Variants in NF1 observed in about 807,000 individuals in gnomAD.
NF1 encodes neurofibromin 1.
NF1 carries 122 observed loss-of-function variants against 325.7 expected under a neutral mutation model. The observed-to-expected ratio is 0.37, with a 90% CI of 0.32 to 0.44. The LOEUF (loss-of-function observed/expected upper bound fraction) is 0.44, where lower values mean the gene tolerates loss of function less well. Among genes scored for constraint, NF1 ranks in the 20% least tolerant of loss-of-function variants. NF1 has a pLI of 1.00. For synonymous variants in NF1, 1,091 were observed against 1,186.0 expected, an observed-to-expected ratio of 0.92 and a Z score of 1.65; for missense variants, 2,140 against 3,415.4, an observed-to-expected ratio of 0.63 and a Z score of 9.31.
intron 8 of NF1, among the ~76,000 whole-genome samples, chr17:31,197,761 C>T (rs2143858943): frequency 6.6e-6 from 1 of 152,186 alleles, no homozygotes; most frequent in East Asian, 1.9e-4. Flanking sequence ...CATAGTTTTG[C>T]TTCTTTCTGT....
At position 31,374,364 on chromosome 17, in the gene NF1, C is replaced by T. The variant is rs1345244131; in HGVS notation, c.*209C>T. ...CTTTTCTTTAACTTTTTTTCTTCTACTTTTGGCGTGTATCTGGTATATGTA... is the reference window on the plus strand; with the variant it reads ...CTTTTCTTTAACTTTTTTTCTTCTATTTTTGGCGTGTATCTGGTATATGTA... On this transcript the variant is annotated 3_prime_UTR_variant, in exon 58 of 58. Transcript: ENST00000358273. 6 of 639,510 alleles carry T rather than the reference C, an allele frequency of 9.4e-6. No homozygotes were observed. The African/African-American group carries it at 1.1e-4, about 12-fold the overall frequency. The allele number at this position is 639,510 out of a possible 1,614,324, so 39.6% of individuals were successfully genotyped here. A position where few individuals can be genotyped will look rare whatever the true frequency, so the allele number is the denominator to read the frequency against.
In NF1 at chr17:31,152,606, G is replaced by A. The variant is rs149261862; in HGVS notation, c.61-3377G>A. 2.0e-3 allele frequency among the ~76,000 whole-genome samples: 295 copies of A among 145,464 alleles called. 3 individuals carry two copies. Among genetic ancestry groups the A allele is most frequent in the African/African-American group, 7.2e-3 (282 of 39,236 alleles). On this transcript the variant is annotated intron_variant, in intron 1 of 57. Coordinates refer to ENST00000358273, the MANE Select transcript of NF1 (RefSeq NM_001042492.3). ...ATCTTCTGTGTTAATTTACTCTTAT[G>A]TATCTTCTGGTTAGTTTTCATTTCT... is the stretch of plus-strand genomic sequence containing the variant.
intron 36 of NF1, among the ~76,000 whole-genome samples, chr17:31,325,389 T>A (rs2069315404): frequency 6.6e-6 from 1 of 152,240 alleles, no homozygotes; most frequent in East Asian, 1.9e-4. Context: ...TGGCCCTGGT[T>A]GTCCTGGTTT....
intron 36 of NF1, chr17:31,296,544 ACT>A (rs2068469569): frequency 1.8e-6 from 1 of 567,584 alleles, no homozygotes; most frequent in Non-Finnish European, 3.2e-6. Context: ...GTAGAGAGAG[ACT>A]CTCTCCCTAC....
chr17:31,117,694 AAAAAAAAAAG>A (rs1158347118), intron 1 of NF1, among the ~76,000 whole-genome samples: 11 of 149,180 alleles, frequency 7.4e-5, no homozygotes, highest in Non-Finnish European at 1.5e-4. Flanking sequence ...AAAAAAAAAA[AAAAAAAAAAG>A]GAATAGTGAT....
chr17:31,113,965 T>G (rs1301731220), intron 1 of NF1, among the ~76,000 whole-genome samples: 1 of 152,244 alleles, frequency 6.6e-6, no homozygotes, highest in Non-Finnish European at 1.5e-5. Flanking sequence ...ATTCACACTA[T>G]CTATTTCTAG....
intron 36 of NF1, chr17:31,320,395 G>C (rs371186718): frequency 4.4e-6 from 7 of 1,608,658 alleles, no homozygotes; most frequent in Non-Finnish European, 5.9e-6. Flanking sequence ...GGTAGGGCCT[G>C]AAAGTCTTTG....
chr17:31,156,812 A>G (rs2065671557), intron 2 of NF1, among the ~76,000 whole-genome samples: 1 of 152,076 alleles, frequency 6.6e-6, no homozygotes, highest in Non-Finnish European at 1.5e-5. Context: ...AACATATAAC[A>G]TCTTTTGTCT....
intron 1 of NF1, among the ~76,000 whole-genome samples, chr17:31,101,548 C>T (rs1912342897): frequency 6.6e-6 from 1 of 152,206 alleles, no homozygotes; most frequent in Non-Finnish European, 1.5e-5. Flanking sequence ...CATTATGCCT[C>T]TGCATGCACC....
intron 29 of NF1, among the ~76,000 whole-genome samples, chr17:31,236,364 T>C (rs1278750677): frequency 6.6e-6 from 1 of 152,162 alleles, no homozygotes; most frequent in African/African-American, 2.4e-5. Flanking sequence ...TCTAACTCAC[T>C]TCTTCTATGA....
chr17:31,366,334 T>C (rs1266407348), intron 57 of NF1, among the ~76,000 whole-genome samples: 2 of 152,212 alleles, frequency 1.3e-5, no homozygotes, highest in Non-Finnish European at 2.9e-5. Context: ...AACAAAGACA[T>C]ACTTAGTTCA....
chr17:31,248,886 A>G (rs2067445628), intron 29 of NF1, 98 bp from the exon 30 acceptor site: 1 of 1,148,022 alleles, frequency 8.7e-7, no homozygotes, highest in African/African-American at 1.5e-5. Context: ...TACACGTTGC[A>G]CTTGGCTTAA....
intron 7 of NF1, 115 bp downstream of exon 7, chr17:31,181,900 C>A: frequency 1.3e-6 from 1 of 745,056 alleles, no homozygotes; most frequent in Non-Finnish European, 2.3e-6. Context: ...TTTACATCTT[C>A]TATTGTCAAC....
In NF1 at chr17:31,206,195, G is replaced by A. The variant is rs183785317; in HGVS notation, c.1261-45G>A. The A allele has an allele frequency of 7.0e-5, 112 of 1,610,228 alleles. No homozygotes were observed. In the East Asian group the frequency reaches 2.4e-3, roughly 35 times the overall value. Reference sequence around the variant, plus strand: ...GTGATAAACAGAGCATACAACTCACGTAATTTTGTACTTTTTCTTCCTATT... The same window carrying A: ...GTGATAAACAGAGCATACAACTCACATAATTTTGTACTTTTTCTTCCTATT... On this transcript the variant is annotated intron_variant, in intron 11 of 57. Transcript: ENST00000358273.
At chr17:31,098,231 A>C (rs1346268227) in intron 1 of NF1, among the ~76,000 whole-genome samples, 3 of 151,700 alleles carry the variant, frequency 2.0e-5, no homozygotes, top group Admixed American at 6.6e-5. Context: ...GAGGCATGGG[A>C]AGGTTAAGTG....
chr17:31,119,177 G>A (rs1157576321), intron 1 of NF1, among the ~76,000 whole-genome samples: 1 of 152,048 alleles, frequency 6.6e-6, no homozygotes, highest in Non-Finnish European at 1.5e-5. Context: ...TCTTGACCTT[G>A]TAATCTGCCC....
chr17:31,112,887 C>T (rs984302756), intron 1 of NF1, among the ~76,000 whole-genome samples: 3 of 152,138 alleles, frequency 2.0e-5, no homozygotes, highest in African/African-American at 4.8e-5. Flanking sequence ...TTTATACTAA[C>T]GTTTGTGGCT....
rs184184933 is a variant in NF1, at chr17:31,097,071, A to T, written c.60+1702A>T. On this transcript the variant is annotated intron_variant, in intron 1 of 57. Coordinates refer to ENST00000358273, the MANE Select transcript of NF1 (RefSeq NM_001042492.3). The stretch of plus-strand genomic sequence containing the variant: ...TCTCCTTAAATTTTAAAAATTAAAA[A>T]TTTTTTTCAGTTTTTTCTTAATTTT... Among the ~76,000 whole-genome samples the T allele has an allele frequency of 3.9e-4, 59 of 152,214 alleles. No individual in the cohort carries two copies. The East Asian group carries it at 7.7e-3, about 20-fold the overall frequency.
At chr17:31,356,849 A>AT in intron 52 of NF1, 111 bp from the exon 53 acceptor site, 3 of 1,475,220 alleles carry the variant, frequency 2.0e-6, no homozygotes, top group Non-Finnish European at 2.8e-6. Context: ...TTATGTTAGT[A>AT]TTTTAAGTAT....
Sources: gnomAD v4.1 joint callset for allele counts (sites outside exome capture counted in the v4.1 genomes callset) on GRCh38, gnomAD v4.1.1 for gene constraint, MANE v1.5 for transcripts, NCBI Gene and HGNC (gene_info 2026-07-23, HGNC 2026-07-21) for gene names.